Variants in ARHGEF2 observed in about 807,000 individuals in gnomAD.
ARHGEF2 encodes rho guanine nucleotide exchange factor 2.
Under a neutral mutation model 121.0 loss-of-function variants are expected in ARHGEF2, and 22 were observed. The ratio of observed to expected loss-of-function variants is 0.18; its 90% CI spans 0.13 to 0.26. ARHGEF2 has a LOEUF of 0.26. Among genes scored for constraint, ARHGEF2 ranks in the 10% least tolerant of loss-of-function variants. ARHGEF2 has a pLI of 1.00. For missense variants in ARHGEF2, 907 were observed against 1,336.0 expected, an observed-to-expected ratio of 0.68 and a Z score of 5.01; for synonymous variants, 487 against 530.0, an observed-to-expected ratio of 0.92 and a Z score of 1.11.
intron 1 of ARHGEF2, among the ~76,000 whole-genome samples, chr1:155,971,771 G>A (rs1053518114): frequency 7.3e-5 from 11 of 151,582 alleles, no homozygotes; most frequent in Non-Finnish European, 8.8e-5. Flanking sequence ...GCAAGAGGCC[G>A]GTGAGGTGGC....
At chr1:155,958,417 G>A (rs1677128079) in intron 11 of ARHGEF2, 21 bp from the exon 12 acceptor site, 7 of 1,603,394 alleles carry the variant, frequency 4.4e-6, no homozygotes, top group Non-Finnish European at 6.0e-6. Context: ...ATGAAGGTGG[G>A]AGAACAGTCA....
chr1:155,949,269 A>T (rs1224620604), intron 21 of ARHGEF2, among the ~76,000 whole-genome samples: 1 of 147,208 alleles, frequency 6.8e-6, no homozygotes, highest in Non-Finnish European at 1.5e-5. Context: ...ATAAATAAAT[A>T]AAATAAAATA....
chr1:155,954,415 C>G (rs2102639908), intron 14 of ARHGEF2, among the ~76,000 whole-genome samples: 1 of 148,344 alleles, frequency 6.7e-6, no homozygotes, highest in Admixed American at 6.9e-5. Context: ...TCCTGAGTAG[C>G]TGGGACTACA....
chr1:155,966,865 G>A lies in ARHGEF2; in HGVS notation c.231C>T (p.Asn77=). The A allele has an allele frequency of 6.2e-7, 1 of 1,613,798 alleles. No homozygotes were observed. Among genetic ancestry groups the A allele is most frequent in the Non-Finnish European group, 8.5e-7 (1 of 1,179,912 alleles). Residue 77 remains asparagine (N), a synonymous_variant, in exon 3 of 22, where the codon AAC becomes AAT. Coordinates refer to ENST00000361247, the MANE Select transcript of ARHGEF2 (RefSeq NM_001162383.2). ...ICPTCNVTIH[N]RCKDTLANCT... ...AGTTGGCGAGGGTGTCTTTACAGCGGTTGTGGATAGTCACATTGCAGGCTG... is the reference window on the plus strand; with the variant it reads ...AGTTGGCGAGGGTGTCTTTACAGCGATTGTGGATAGTCACATTGCAGGCTG...
intron 1 of ARHGEF2, chr1:155,969,724 C>G: frequency 1.0e-6 from 1 of 1,000,850 alleles, no homozygotes; most frequent in Non-Finnish European, 1.2e-6. Context: ...AGCTCACCAG[C>G]GCTTTCCAAT....
At position 155,961,875 on chromosome 1, in the gene ARHGEF2, T is replaced by G. The variant is rs1425803570; in HGVS notation, c.1254A>C (p.Ala418=). The G allele has an allele frequency of 6.2e-7, 1 of 1,614,146 alleles. No individual in the cohort carries two copies. Among genetic ancestry groups the G allele is most frequent in the South Asian group, 1.1e-5 (1 of 91,088 alleles). Residue 418 remains alanine, a synonymous_variant, in exon 11 of 22, where the codon GCA becomes GCC. Transcript: ENST00000361247. The surrounding 1 kb of genome is among the most constrained non-coding windows in gnomAD (Gnocchi z 4.7). Reference sequence around the variant, plus strand: ...ACAGCAGCTCCTTCACTAGCCCCAGTGCTGTGGTCAGGTCCTGGCGCTCCT... The same window carrying G: ...ACAGCAGCTCCTTCACTAGCCCCAGGGCTGTGGTCAGGTCCTGGCGCTCCT... ...IEEERQDLTT[A]LGLVKELLSN...
chr1:155,969,955 T>A, intron 1 of ARHGEF2: 1 of 985,398 alleles, frequency 1.0e-6, no homozygotes, highest in Non-Finnish European at 1.2e-6. Flanking sequence ...GGAGGCAGCA[T>A]GTCCCCTACT....
In ARHGEF2 at chr1:155,963,044, G is replaced by A. The variant is rs774862963; in HGVS notation, c.864C>T (p.Asp288=). The A allele has an allele frequency of 3.7e-6, 6 of 1,614,184 alleles. No homozygotes were observed. In the South Asian group the frequency reaches 6.6e-5, roughly 18 times the overall value. The stretch of plus-strand genomic sequence containing the variant: ...GCTGGCTGAGGAAGCGTGTATGGAT[G>A]TCACTGAGCTCGTCCACGCAGGGGA... ...GLFPCVDELS[D]IHTRFLSQLL... The change falls in exon 8 of 22, where the codon GAC becomes GAT. Residue 288 remains aspartate (D), a synonymous_variant. Coordinates refer to ENST00000361247, the MANE Select transcript of ARHGEF2 (RefSeq NM_001162383.2).
chr1:155,978,760 G>A (rs561941774), upstream of ARHGEF2: 2 of 813,454 alleles, frequency 2.5e-6, no homozygotes, highest in East Asian at 6.5e-5. The surrounding 1 kb of genome is among the most constrained non-coding windows in gnomAD (Gnocchi z 4.1). Flanking sequence ...GCCTGGGGGC[G>A]CCCTCTAGCC....
At chr1:155,976,931 C>T (rs1681402598) in intron 1 of ARHGEF2, among the ~76,000 whole-genome samples, 1 of 152,062 alleles carries the variant, frequency 6.6e-6, no homozygotes, top group Non-Finnish European at 1.5e-5. Context: ...TAATCCCAAC[C>T]CCCTAAGGAA....
intron 11 of ARHGEF2, among the ~76,000 whole-genome samples, chr1:155,959,817 G>C (rs929646687): frequency 1.3e-5 from 2 of 152,194 alleles, no homozygotes; most frequent in Non-Finnish European, 2.9e-5. Context: ...CCAAAGTGCT[G>C]AGATTATAGG....
intron 11 of ARHGEF2, among the ~76,000 whole-genome samples, chr1:155,960,690 G>A (rs1242999347): frequency 2.0e-5 from 3 of 152,172 alleles, no homozygotes; most frequent in African/African-American, 7.2e-5. Context: ...GGTGAAGACT[G>A]ACAATATCCA....
chr1:155,966,853 G>A lies in ARHGEF2; in HGVS notation c.243C>T (p.Asp81=). The A allele has an allele frequency of 6.2e-7, 1 of 1,613,838 alleles. No individual in the cohort carries two copies. Among genetic ancestry groups the A allele is most frequent in the Non-Finnish European group, 8.5e-7 (1 of 1,179,932 alleles). ...TGACCTTGGTACAGTTGGCGAGGGT[G>A]TCTTTACAGCGGTTGTGGATAGTCA... is the stretch of plus-strand genomic sequence containing the variant. The part of the protein sequence containing the change: ...CNVTIHNRCK[D]TLANCTKVKQ... The change falls in exon 3 of 22, where the codon GAC becomes GAT. Residue 81 remains aspartate, a synonymous_variant. Coordinates refer to ENST00000361247, the MANE Select transcript of ARHGEF2 (RefSeq NM_001162383.2).
intron 7 of ARHGEF2, among the ~76,000 whole-genome samples, chr1:155,964,182 A>ATGTG (rs1553245021): frequency 7.0e-4 from 83 of 118,508 alleles, no homozygotes; most frequent in Admixed American, 4.4e-3. Flanking sequence ...ATATATATAT[A>ATGTG]TATATATATA....
Position 155,954,127 on chromosome 1 carries a change from A to ATTT in ARHGEF2, c.1783+772_1783+774dup, listed in dbSNP as rs60911504. Among the ~76,000 whole-genome samples the ATTT allele has an allele frequency of 1.3e-3, 182 of 144,608 alleles. 1 individual carries two copies. Among genetic ancestry groups the ATTT allele is most frequent in the South Asian group, 3.5e-3 (16 of 4,560 alleles). 94.9% of individuals were successfully genotyped at this position (144,608 alleles called of 152,430 possible). ...CAGGTGTGTACCATCATGCCTAGCT[A>ATTT]TTTTTTTTTTTTTAATTTTTTGTAG... On this transcript the variant is annotated intron_variant, in intron 14 of 21. Transcript: ENST00000361247.
At chr1:155,957,574 G>C in intron 13 of ARHGEF2, 139 bp downstream of exon 13, 1 of 963,290 alleles carries the variant, frequency 1.0e-6, no homozygotes, top group Non-Finnish European at 1.5e-6. Flanking sequence ...TTCCAGTCTT[G>C]GGCCATTTTG....
At chr1:155,977,156 C>T (rs921400781) in intron 1 of ARHGEF2, among the ~76,000 whole-genome samples, 1 of 152,092 alleles carries the variant, frequency 6.6e-6, no homozygotes, top group Admixed American at 6.5e-5. Flanking sequence ...TAGTAGGGCA[C>T]TCAGGTTGGA....
In ARHGEF2 at chr1:155,962,082, C is replaced by T. The variant is rs1290750642; in HGVS notation, c.1219+23G>A. 13 of 1,613,136 alleles carry T rather than the reference C, an allele frequency of 8.1e-6. No individual in the cohort carries two copies. The highest frequency in any genetic ancestry group is 1.0e-5 in the Non-Finnish European group (12 of 1,179,306). On this transcript the variant is annotated intron_variant, in intron 10 of 21. Transcript: ENST00000361247. This position sits in a 1 kb window ranked among gnomAD's most constrained non-coding sequence, Gnocchi z 5.8. ...CCCAGGTGGCCGTCTCCCAGTGGCC[C>T]TCTCCTGGGCCTGCCTACTCACCGT...
chr1:155,972,110 A>G, intron 1 of ARHGEF2: 1 of 366,420 alleles, frequency 2.7e-6, no homozygotes, highest in South Asian at 1.9e-5. Context: ...CTGTCTGACC[A>G]GCTCAGATGG....
Sources: gnomAD v4.1 joint callset for allele counts (sites outside exome capture counted in the v4.1 genomes callset) on GRCh38, gnomAD v4.1.1 for gene constraint, Gnocchi (gnomAD v3.1) non-coding constraint, MANE v1.5 for transcripts, NCBI Gene and HGNC (gene_info 2026-07-23, HGNC 2026-07-21) for gene names.